Variants in SCHIP1 observed in about 807,000 individuals in gnomAD.
The protein encoded by SCHIP1 is schwannomin interacting protein 1.
In SCHIP1, 8 loss-of-function variants were observed where a neutral mutation model predicts 29.7. That is an observed-to-expected ratio of 0.27 (90% confidence interval 0.16 to 0.49). SCHIP1 has a LOEUF of 0.49. Ranked by LOEUF, SCHIP1 falls within the 20% of genes least tolerant of loss-of-function variation. The pLI, the probability that SCHIP1 is intolerant of heterozygous loss-of-function variation, is 0.99. For synonymous variants in SCHIP1, 76 were observed against 94.9 expected, an observed-to-expected ratio of 0.80 and a Z score of 1.16; for missense variants, 193 against 294.6, an observed-to-expected ratio of 0.66 and a Z score of 2.52.
chr3:159,406,659 A>G, the SCHIP1 span, among the ~76,000 whole-genome samples: 2 of 152,256 alleles, frequency 1.3e-5, no homozygotes, highest in African/African-American at 2.4e-5. Flanking sequence ...GGATGAACCA[A>G]TAAAAAATAA....
the SCHIP1 span, among the ~76,000 whole-genome samples, chr3:159,441,740 G>A: frequency 2.0e-5 from 3 of 152,168 alleles, no homozygotes; most frequent in East Asian, 1.9e-4. Context: ...CCTGGGACAG[G>A]GAAGAATTGA....
the SCHIP1 span, among the ~76,000 whole-genome samples, chr3:159,733,688 T>A: frequency 6.6e-6 from 1 of 152,186 alleles, no homozygotes; most frequent in Non-Finnish European, 1.5e-5. Context: ...ATTCTTCTTA[T>A]TATTAACTAA....
chr3:159,868,017 T>C (rs1259113781), intron 2 of SCHIP1, among the ~76,000 whole-genome samples: 1 of 147,042 alleles, frequency 6.8e-6, no homozygotes, highest in African/African-American at 2.5e-5. Context: ...TATATATAAA[T>C]CAATGATTTT....
At chr3:159,291,325 A>G in the SCHIP1 span, among the ~76,000 whole-genome samples, 3,793 of 152,206 alleles carry the variant, frequency 0.025, 158 homozygotes, top group African/African-American at 0.086. Flanking sequence ...GAAGAGCAAC[A>G]CTCTTTAAAA....
At chr3:159,827,099 T>C in the SCHIP1 span, among the ~76,000 whole-genome samples, 1 of 152,254 alleles carries the variant, frequency 6.6e-6, no homozygotes, top group African/African-American at 2.4e-5. Context: ...AATGTTTTTG[T>C]GACATTTTTC....
At chr3:159,557,895 C>T in the SCHIP1 span, among the ~76,000 whole-genome samples, 4 of 152,218 alleles carry the variant, frequency 2.6e-5, no homozygotes, top group Admixed American at 2.0e-4. Context: ...AAATCCCATC[C>T]AGGTCTTTCG....
the SCHIP1 span, among the ~76,000 whole-genome samples, chr3:159,711,360 CAAAAAAAAAAAAAAAAAAAAAAAAA>C: frequency 3.0e-4 from 2 of 6,752 alleles, no homozygotes; most frequent in Non-Finnish European, 4.0e-4. Context: ...GACTCCGTCT[CAAAAAAAAAAAAAAAAAAAAAAAAA>C]AAAAAAAAAA....
chr3:159,420,767 C>T, the SCHIP1 span, among the ~76,000 whole-genome samples: 2 of 152,012 alleles, frequency 1.3e-5, no homozygotes, highest in Non-Finnish European at 2.9e-5. Flanking sequence ...ATTTCATAAC[C>T]CCAGGAAGCT....
chr3:159,474,899 A>G, the SCHIP1 span, among the ~76,000 whole-genome samples: 2 of 152,198 alleles, frequency 1.3e-5, no homozygotes, highest in East Asian at 3.9e-4. Context: ...ATGAGATACT[A>G]CTTAACACCC....
At chr3:159,801,065 A>G in the SCHIP1 span, among the ~76,000 whole-genome samples, 2 of 151,506 alleles carry the variant, frequency 1.3e-5, no homozygotes, top group Non-Finnish European at 2.9e-5. Context: ...CACTGCTGGC[A>G]TCTGCTTTTC....
At chr3:159,586,508 TTC>T in the SCHIP1 span, among the ~76,000 whole-genome samples, 1 of 152,218 alleles carries the variant, frequency 6.6e-6, no homozygotes, top group African/African-American at 2.4e-5. Flanking sequence ...TTCCTCCTGC[TTC>T]TGTCTCATTG....
chr3:159,705,124 C>A, the SCHIP1 span, among the ~76,000 whole-genome samples: 2 of 151,890 alleles, frequency 1.3e-5, no homozygotes, highest in African/African-American at 4.8e-5. Context: ...CCACCACGCC[C>A]GGCTAATTTT....
At chr3:159,410,430 G>GA in the SCHIP1 span, among the ~76,000 whole-genome samples, 1 of 151,894 alleles carries the variant, frequency 6.6e-6, no homozygotes, top group Non-Finnish European at 1.5e-5. Context: ...CAACTGTATA[G>GA]AAAAAATATC....
chr3:159,710,208 A>G, the SCHIP1 span, among the ~76,000 whole-genome samples: 1 of 152,298 alleles, frequency 6.6e-6, no homozygotes, highest in South Asian at 2.1e-4. Context: ...CCACAGATGA[A>G]TTGCTTTTTT....
chr3:159,403,142 A>C, the SCHIP1 span, among the ~76,000 whole-genome samples: 1 of 152,172 alleles, frequency 6.6e-6, no homozygotes, highest in Non-Finnish European at 1.5e-5. Context: ...TTAATGGGCA[A>C]ATAAAATGTA....
the SCHIP1 span, among the ~76,000 whole-genome samples, chr3:159,565,731 A>C: frequency 1.3e-5 from 2 of 152,190 alleles, no homozygotes; most frequent in Admixed American, 6.5e-5. Context: ...TATTCTCTTA[A>C]ATACATTTTT....
At position 159,844,827 on chromosome 3, in the gene SCHIP1, C is replaced by T. The variant is rs192597336; in HGVS notation, c.30+4613C>T. Among the ~76,000 whole-genome samples the T allele has an allele frequency of 9.9e-4, 151 of 152,306 alleles. 3 individuals are homozygous for T. The highest frequency in any genetic ancestry group is 3.4e-3 in the African/African-American group (141 of 41,552). ...CCTTTCTTGCCATTGCTTAAATTCC[C>T]TTATGACCGCCCCAGATATAGATCA... On this transcript the variant is annotated intron_variant, in intron 1 of 6. Transcript: ENST00000445224.
the SCHIP1 span, among the ~76,000 whole-genome samples, chr3:159,714,111 C>G: frequency 6.6e-6 from 1 of 152,064 alleles, no homozygotes; most frequent in Non-Finnish European, 1.5e-5. Flanking sequence ...GTGGGAGGCA[C>G]CTGTAGCCCC....
the SCHIP1 span, among the ~76,000 whole-genome samples, chr3:159,550,654 C>T: frequency 2.0e-5 from 3 of 151,614 alleles, no homozygotes; most frequent in African/African-American, 4.8e-5. Context: ...TATTTTTATC[C>T]AAATTTGTAT....
Sources: allele counts gnomAD v4.1 joint callset (sites outside exome capture counted in the v4.1 genomes callset), GRCh38; gene constraint gnomAD v4.1.1; transcripts MANE v1.5; gene names NCBI Gene and HGNC (gene_info 2026-07-23, HGNC 2026-07-21).